The following MED28 variants were observed in gnomAD, a reference collection of about 807,000 sequenced individuals.
The protein encoded by MED28 is mediator of RNA polymerase II transcription subunit 28.
Under a neutral mutation model 21.3 loss-of-function variants are expected in MED28, and 26 were observed. The observed-to-expected ratio is 1.22, with a 90% CI of 0.89 to 1.69. The LOEUF is 1.69. MED28 is among the 40% of genes most tolerant of loss of function. MED28 has a pLI of 0.00. For missense variants in MED28, 257 were observed against 215.4 expected, an observed-to-expected ratio of 1.19 and a Z score of -1.21; for synonymous variants, 110 against 87.6, an observed-to-expected ratio of 1.26 and a Z score of -1.43.
Position 17,619,976 on chromosome 4 carries a change from TCC to T in MED28, c.226+11_226+12del. 1 of 1,612,242 alleles carries T rather than the reference TCC, an allele frequency of 6.2e-7. No homozygotes were observed. The highest frequency in any genetic ancestry group is 8.5e-7 in the Non-Finnish European group (1 of 1,178,272). ...GGAAGAAATTCGAACCGGTAAGCAT[TCC>T]CTCTGTGTACACAATGTTCTGGGCT... On this transcript the variant is annotated intron_variant, in intron 2 of 3. Coordinates refer to ENST00000237380, the MANE Select transcript of MED28 (RefSeq NM_025205.5).
rs1322366331 is a variant in MED28 at position 17,621,053 on chromosome 4, T to A, written c.227-534T>A. Among the ~76,000 whole-genome samples the A allele has an allele frequency of 3.5e-5, 5 of 141,686 alleles. No individual in the cohort carries two copies. In the East Asian group the frequency reaches 1.1e-3, roughly 31 times the overall value. 93.0% of individuals were successfully genotyped at this position (141,686 alleles called of 152,430 possible). ...TTTTTTGAGACGGAGTCTCACTCTG[T>A]CACCAGTCTGGAGTGCAGTGGCGCG... is the stretch of plus-strand genomic sequence containing the variant. On this transcript the variant is annotated intron_variant, in intron 2 of 3. Coordinates refer to ENST00000237380, the MANE Select transcript of MED28 (RefSeq NM_025205.5).
chr4:17,619,752 T>G lies in MED28; in HGVS notation c.160-149T>G, dbSNP rs188103984. On this transcript the variant is annotated intron_variant, in intron 1 of 3. Transcript: ENST00000237380. ...TGGTAAACTCAGTTTACCAGATGTT[T>G]CCATTGGCATGGTGTCTTGCCATCT... 1.3e-4 allele frequency: 88 copies of G among 661,066 alleles called. No individual in the cohort carries two copies. The Admixed American group carries it at 2.3e-3, about 17-fold the overall frequency. The allele number at this position is 661,066 out of a possible 1,614,324, so 41.0% of individuals were successfully genotyped here.
chr4:17,620,220 C>T, intron 2 of MED28: 1 of 441,230 alleles, frequency 2.3e-6, no homozygotes, highest in East Asian at 4.1e-5. Context: ...ATAGTGTGTA[C>T]TGCTTTTTAA....
intron 2 of MED28, among the ~76,000 whole-genome samples, chr4:17,621,242 A>G (rs540220198): frequency 6.6e-6 from 1 of 151,500 alleles, no homozygotes; most frequent in Non-Finnish European, 1.5e-5. Context: ...TCAATCTCCT[A>G]ACCTCATGAT....
chr4:17,615,765 G>A (rs116311251), intron 1 of MED28, among the ~76,000 whole-genome samples: 2,547 of 152,230 alleles, frequency 0.017, 79 homozygotes, highest in African/African-American at 0.057. Context: ...AGCGGAGACC[G>A]CGCCATTGCA....
In MED28 at chr4:17,626,951, A is replaced by G. The variant is rs115864594; in HGVS notation, c.*3153A>G. On this transcript the variant is annotated 3_prime_UTR_variant, in exon 4 of 4. Transcript: ENST00000237380. ...GCAGTTCTCCTGCCTCAGCCTCCCA[A>G]GTAGCTGGGCTATTTTTTTTTTTTT... 0.023 allele frequency: 3,303 copies of G among 145,628 alleles called. 116 individuals carry two copies. The highest frequency in any genetic ancestry group is 0.079 in the African/African-American group (3,101 of 39,138). The allele number at this position is 145,628 out of a possible 1,614,324, so 9.0% of individuals were successfully genotyped here.
chr4:17,622,507 C>T (rs780123783), intron 3 of MED28, among the ~76,000 whole-genome samples: 63 of 152,304 alleles, frequency 4.1e-4, no homozygotes, highest in Non-Finnish European at 8.5e-4. Flanking sequence ...TAATGCTGTT[C>T]TTAAAAAGCT....
chr4:17,622,902 T>G (rs1714676558), intron 3 of MED28, among the ~76,000 whole-genome samples: 2 of 152,212 alleles, frequency 1.3e-5, no homozygotes, highest in South Asian at 2.1e-4. Context: ...CTCGTGAGAT[T>G]TATTCACTAC....
rs1247012790 is a variant in MED28 at position 17,632,087 on chromosome 4, T to G, written c.*8289T>G. Reference sequence around the variant, plus strand: ...TTTTTTTTTTTTTTTTTTTTTTTTTTGGAGACAGGGTCTCCCTCTGTCACC... The same window carrying G: ...TTTTTTTTTTTTTTTTTTTTTTTTTGGGAGACAGGGTCTCCCTCTGTCACC... On this transcript the variant is annotated 3_prime_UTR_variant, in exon 4 of 4. Coordinates refer to ENST00000237380, the MANE Select transcript of MED28 (RefSeq NM_025205.5). 1 of 73,314 alleles carries G rather than the reference T, an allele frequency of 1.4e-5. No individual in the cohort carries two copies. The highest frequency in any genetic ancestry group is 2.7e-5 in the Non-Finnish European group (1 of 37,182). The allele number at this position is 73,314 out of a possible 1,614,324, so 4.5% of individuals were successfully genotyped here. A position where few individuals can be genotyped will look rare whatever the true frequency, so the allele number is the denominator to read the frequency against.
Position 17,632,819 on chromosome 4 carries a change from G to T in MED28, c.*9021G>T, listed in dbSNP as rs6848360. The stretch of plus-strand genomic sequence containing the variant: ...GGGAGGGAGTACCTAATCCTCATTT[G>T]GAAAACAGAAGGTTCACCATTGTTT... On this transcript the variant is annotated 3_prime_UTR_variant, in exon 4 of 4. Coordinates refer to ENST00000237380, the MANE Select transcript of MED28 (RefSeq NM_025205.5). 0.62 allele frequency: 293,056 copies of T among 472,496 alleles called. 93,099 individuals are homozygous for T. Among genetic ancestry groups the T allele is most frequent in the East Asian group, 0.9 (25,127 of 27,828 alleles). 29.3% of individuals were successfully genotyped at this position (472,496 alleles called of 1,614,324 possible). A position where few individuals can be genotyped will look rare whatever the true frequency, so the allele number is the denominator to read the frequency against.
intron 1 of MED28, among the ~76,000 whole-genome samples, chr4:17,616,279 A>G (rs1040840579): frequency 2.6e-5 from 4 of 152,164 alleles, no homozygotes; most frequent in Non-Finnish European, 5.9e-5. Flanking sequence ...TAAAGGACAG[A>G]CCGTTTAGGA....
In MED28 at chr4:17,623,636, A is replaced by G. The variant is rs1445034555; in HGVS notation, c.375A>G (p.Lys125=). 2 of 1,614,220 alleles carry G rather than the reference A, an allele frequency of 1.2e-6. No homozygotes were observed. Among genetic ancestry groups the G allele is most frequent in the East Asian group, 2.2e-5 (1 of 44,888 alleles). The change falls in exon 4 of 4, where the codon AAA becomes AAG. Residue 125 remains lysine (K), a synonymous_variant. Transcript: ENST00000237380. ...VSELRNELQR[K]DALVQKHLTK... ...AACTAAGGAATGAATTACAGCGGAA[A>G]GATGCACTAGTCCAGAAGCACTTGA...
rs370413380 is a variant in MED28, at chr4:17,622,926, T to C, written c.340-675T>C. On this transcript the variant is annotated intron_variant, in intron 3 of 3. Transcript: ENST00000237380. ...TTTATTCACTACCAGGAGAACAGCA[T>C]GGGAAAGACTTGCCCCCGTGATTCA... 4.9e-4 allele frequency among the ~76,000 whole-genome samples: 75 copies of C among 152,246 alleles called. 1 individual carries two copies. The highest frequency in any genetic ancestry group is 1.9e-3 in the South Asian group (9 of 4,814).
At position 17,626,506 on chromosome 4, in the gene MED28, C is replaced by G. The variant is rs565351211; in HGVS notation, c.*2708C>G. On this transcript the variant is annotated 3_prime_UTR_variant, in exon 4 of 4. Transcript: ENST00000237380. ...CACCCACCTGTGGTTCCAGGGTGTT[C>G]TTAAGAAGCCAAGGTTGTCTTGGGT... The G allele has an allele frequency of 4.5e-4, 68 of 152,282 alleles. No individual in the cohort carries two copies. The highest frequency in any genetic ancestry group is 1.6e-3 in the African/African-American group (67 of 41,558). 9.4% of individuals were successfully genotyped at this position (152,282 alleles called of 1,614,324 possible).
chr4:17,616,907 G>A (rs1211416186), intron 1 of MED28, among the ~76,000 whole-genome samples: 1 of 152,186 alleles, frequency 6.6e-6, no homozygotes, highest in East Asian at 1.9e-4. Context: ...GTCTGTAGGT[G>A]CCCTTGAGAG....
At position 17,628,224 on chromosome 4, in the gene MED28, CCTT is replaced by C. The variant is rs1714817465; in HGVS notation, c.*4429_*4431del. The stretch of plus-strand genomic sequence containing the variant: ...TTACCACTCACAAAATACCAAACAT[CCTT>C]CTGCTGGTTAAAACGAGTGACAGCT... On this transcript the variant is annotated 3_prime_UTR_variant, in exon 4 of 4. Transcript: ENST00000237380. 6.7e-6 allele frequency: 1 copy of C among 150,056 alleles called. No homozygotes were observed. The highest frequency in any genetic ancestry group is 2.5e-5 in the African/African-American group (1 of 40,214). The allele number at this position is 150,056 out of a possible 1,614,324, so 9.3% of individuals were successfully genotyped here. A position where few individuals can be genotyped will look rare whatever the true frequency, so the allele number is the denominator to read the frequency against.
chr4:17,619,551 G>A (rs1357471716), intron 1 of MED28, among the ~76,000 whole-genome samples: 1 of 152,194 alleles, frequency 6.6e-6, no homozygotes, highest in Admixed American at 6.5e-5. Flanking sequence ...ATTGTCCTGA[G>A]TCCTGAATGG....
In MED28 at chr4:17,631,245, T is replaced by G. The variant is rs972181207; in HGVS notation, c.*7447T>G. Reference sequence around the variant, plus strand: ...ATTTTTTTAATCTGTAGAGATGGGATCTCACTATCTTGCCCAGGCTGGTCT... The same window carrying G: ...ATTTTTTTAATCTGTAGAGATGGGAGCTCACTATCTTGCCCAGGCTGGTCT... On this transcript the variant is annotated 3_prime_UTR_variant, in exon 4 of 4. Coordinates refer to ENST00000237380, the MANE Select transcript of MED28 (RefSeq NM_025205.5). 1 of 152,140 alleles carries G rather than the reference T, an allele frequency of 6.6e-6. No individual in the cohort carries two copies. The highest frequency in any genetic ancestry group is 2.4e-5 in the African/African-American group (1 of 41,400). 9.4% of individuals were successfully genotyped at this position (152,140 alleles called of 1,614,324 possible). A position where few individuals can be genotyped will look rare whatever the true frequency, so the allele number is the denominator to read the frequency against.
chr4:17,622,181 G>A (rs1355499466), intron 3 of MED28, among the ~76,000 whole-genome samples: 1 of 152,146 alleles, frequency 6.6e-6, no homozygotes, highest in Non-Finnish European at 1.5e-5. Context: ...TGTTGGGGTT[G>A]CCACGATGAC....
Sources: allele counts gnomAD v4.1 joint callset (sites outside exome capture counted in the v4.1 genomes callset), GRCh38; gene constraint gnomAD v4.1.1; transcripts MANE v1.5; gene names NCBI Gene and HGNC (gene_info 2026-07-23, HGNC 2026-07-21).